The following FBXW8 variants were observed in gnomAD, a reference collection of about 807,000 sequenced individuals.
The protein encoded by FBXW8 is F-box and WD repeat domain containing 8, also known as F-box/WD repeat-containing protein 8.
A neutral mutation model predicts 65.3 loss-of-function variants in FBXW8; 57 were observed. That is an observed-to-expected ratio of 0.87 (90% confidence interval 0.71 to 1.09). The LOEUF (loss-of-function observed/expected upper bound fraction) is 1.09, where lower values mean the gene tolerates loss of function less well. FBXW8 is among the 50% of genes least tolerant of loss of function. FBXW8 has a pLI of 0.00. For missense variants in FBXW8, 777 were observed against 814.8 expected (o/e 0.95, Z 0.57); for synonymous variants, 308 against 330.2 (o/e 0.93, Z 0.73).
At chr12:117,016,198 G>T (rs1953943107) in intron 8 of FBXW8, among the ~76,000 whole-genome samples, 1 of 152,186 alleles carries the variant, frequency 6.6e-6, no homozygotes, top group African/African-American at 2.4e-5. Flanking sequence ...GGAATTGCTG[G>T]CTTATGTGGT....
intron 9 of FBXW8, among the ~76,000 whole-genome samples, chr12:117,025,734 A>G (rs2135728289): frequency 6.6e-6 from 1 of 152,316 alleles, no homozygotes; most frequent in South Asian, 2.1e-4. Context: ...GGTGGTGCCA[A>G]ACGGCAACTA....
chr12:116,913,909 TC>T (rs1342613553), intron 1 of FBXW8, among the ~76,000 whole-genome samples: 1 of 152,184 alleles, frequency 6.6e-6, no homozygotes, highest in Non-Finnish European at 1.5e-5. Context: ...CCCTTCAGAA[TC>T]ACCACATTAG....
At chr12:116,918,684 A>G (rs1444322500) in intron 1 of FBXW8, among the ~76,000 whole-genome samples, 4 of 152,316 alleles carry the variant, frequency 2.6e-5, no homozygotes, top group Admixed American at 6.5e-5. Flanking sequence ...CACTGATTCA[A>G]ATTGTTCAGA....
chr12:116,981,980 T>C lies in FBXW8; in HGVS notation c.836-3226T>C, dbSNP rs369516963. On this transcript the variant is annotated intron_variant, in intron 5 of 10. Transcript: ENST00000652555. Reference sequence around the variant, plus strand: ...GCAGGTAGACTGTGATAAAGACTTATGTTAAAATCCAAAAGCAACCTCTAA... The same window carrying C: ...GCAGGTAGACTGTGATAAAGACTTACGTTAAAATCCAAAAGCAACCTCTAA... Among the ~76,000 whole-genome samples, 16 of 152,290 alleles carry C rather than the reference T, an allele frequency of 1.1e-4. 1 individual carries two copies. The highest frequency in any genetic ancestry group is 2.2e-4 in the African/African-American group (9 of 41,560).
chr12:117,009,918 A>G (rs1018964436), intron 7 of FBXW8, among the ~76,000 whole-genome samples: 2 of 152,190 alleles, frequency 1.3e-5, no homozygotes, highest in African/African-American at 4.8e-5. Flanking sequence ...TTCAGATGAG[A>G]ACTCATGCTG....
chr12:116,959,625 A>G (rs997901491), intron 4 of FBXW8, among the ~76,000 whole-genome samples: 1 of 152,224 alleles, frequency 6.6e-6, no homozygotes, highest in Non-Finnish European at 1.5e-5. Flanking sequence ...TTAGCTGTAC[A>G]GTATTTATTC....
rs763343525 is a variant in FBXW8 at position 117,024,138 on chromosome 12, C to T, written c.1368-9C>T. 3.2e-5 allele frequency: 51 copies of T among 1,611,668 alleles called. No homozygotes were observed. The Admixed American group carries it at 8.5e-4, about 27-fold the overall frequency. ...ATTTCCCTTCTCTGCTCTTCCTGGGCCTGTCCAGGGTGAGGATCCACGACC... is the reference window on the plus strand; with the variant it reads ...ATTTCCCTTCTCTGCTCTTCCTGGGTCTGTCCAGGGTGAGGATCCACGACC... On this transcript the variant is annotated splice_polypyrimidine_tract_variant and intron_variant, in intron 8 of 10. Coordinates refer to ENST00000652555, the MANE Select transcript of FBXW8 (RefSeq NM_153348.3).
At chr12:116,984,587 G>T (rs4767489) in intron 5 of FBXW8, among the ~76,000 whole-genome samples, 103,038 of 152,150 alleles carry the variant, frequency 0.68, 39,697 homozygotes, top group Non-Finnish European at 0.84. Flanking sequence ...CTTTGAAACT[G>T]TTTAAGCACT....
In FBXW8 at chr12:116,985,299, A is replaced by C. The variant is rs761329243; in HGVS notation, c.929A>C (p.Asp310Ala). The change falls in exon 6 of 11, where the codon GAC (aspartate) becomes GCC (alanine). Residue 310 changes from aspartate (D) to alanine (A), a missense_variant. Asp to Ala is a moderately radical substitution (Grantham distance 126). Coordinates refer to ENST00000652555, the MANE Select transcript of FBXW8 (RefSeq NM_153348.3). ...ATACAGGCACTAGCCCTCAGCCAGG[A>C]CGATGCAACCGTGGCCACAGCTTCT... Reference protein sequence around the residue: ...ARIQALALSQDDATVATASAF... With the variant: ...ARIQALALSQADATVATASAF... 1.4e-5 allele frequency: 23 copies of C among 1,614,234 alleles called. No individual in the cohort carries two copies. The highest frequency in any genetic ancestry group is 8.5e-6 in the Non-Finnish European group (10 of 1,180,042).
At chr12:116,913,707 G>A (rs1483983029) in intron 1 of FBXW8, among the ~76,000 whole-genome samples, 1 of 152,126 alleles carries the variant, frequency 6.6e-6, no homozygotes, top group Admixed American at 6.5e-5. Context: ...TCGATGCAAC[G>A]TTTATGGAAA....
chr12:116,971,013 G>A (rs576140895), intron 5 of FBXW8, among the ~76,000 whole-genome samples: 2 of 152,252 alleles, frequency 1.3e-5, no homozygotes, highest in South Asian at 4.2e-4. Context: ...AAAAGATAGG[G>A]TATGTTCATA....
chr12:116,918,580 A>C lies in FBXW8; in HGVS notation c.318+7225A>C, dbSNP rs80243171. Among the ~76,000 whole-genome samples the C allele has an allele frequency of 6.0e-3, 913 of 152,348 alleles. 5 individuals are homozygous for C. Among genetic ancestry groups the C allele is most frequent in the African/African-American group, 0.021 (855 of 41,584 alleles). On this transcript the variant is annotated intron_variant, in intron 1 of 10. Coordinates refer to ENST00000652555, the MANE Select transcript of FBXW8 (RefSeq NM_153348.3). ...TGGCTACCAGCAACTCTAGTCTTCTATCTGCTTAGCAACTCAAGGGAAAGA... is the reference window on the plus strand; with the variant it reads ...TGGCTACCAGCAACTCTAGTCTTCTCTCTGCTTAGCAACTCAAGGGAAAGA...
At chr12:116,947,878 G>A (rs1366968436) in intron 3 of FBXW8, among the ~76,000 whole-genome samples, 5 of 152,274 alleles carry the variant, frequency 3.3e-5, no homozygotes, top group African/African-American at 1.2e-4. Context: ...TGGTGAGGAT[G>A]ATCGTCATCA....
rs1954333067 is a variant in FBXW8, at chr12:117,030,455, C to T, written c.*2283C>T. 2 of 152,004 alleles carry T rather than the reference C, an allele frequency of 1.3e-5. No individual in the cohort carries two copies. The highest frequency in any genetic ancestry group is 1.3e-4 in the Admixed American group (2 of 15,274). The allele number at this position is 152,004 out of a possible 1,614,324, so 9.4% of individuals were successfully genotyped here. A position where few individuals can be genotyped will look rare whatever the true frequency, so the allele number is the denominator to read the frequency against. The stretch of plus-strand genomic sequence containing the variant: ...TCGCTTTAGAAGGTTTTCATCAAGC[C>T]CCGCCCTTTCTCTCTCATAGTCTTA... On this transcript the variant is annotated 3_prime_UTR_variant, in exon 11 of 11. Transcript: ENST00000652555.
In FBXW8 at chr12:117,024,339, A is replaced by T. The variant is rs779237830; in HGVS notation, c.1541+19A>T. On this transcript the variant is annotated intron_variant, in intron 9 of 10. Transcript: ENST00000652555. ...ATTCCGGGTAAGGTGCATTCTAGAC[A>T]CTCTTGGGAGTTCCTAGTAGGAACA... The T allele has an allele frequency of 6.2e-7, 1 of 1,613,300 alleles. No individual in the cohort carries two copies. The highest frequency in any genetic ancestry group is 1.1e-5 in the South Asian group (1 of 90,988).
intron 5 of FBXW8, among the ~76,000 whole-genome samples, chr12:116,977,058 TG>T (rs1884992913): frequency 3.3e-5 from 5 of 152,158 alleles, no homozygotes; most frequent in Admixed American, 3.3e-4. Context: ...ATCTATTTGT[TG>T]GGGGGATTTG....
At chr12:116,990,148 G>A (rs1953200736) in intron 7 of FBXW8, among the ~76,000 whole-genome samples, 1 of 152,210 alleles carries the variant, frequency 6.6e-6, no homozygotes, top group Non-Finnish European at 1.5e-5. Context: ...GGATCCCAGT[G>A]ATATATTCTT....
rs576114438 is a variant in FBXW8, at chr12:116,911,743, G to A, written c.318+388G>A. On this transcript the variant is annotated intron_variant, in intron 1 of 10. Transcript: ENST00000652555. ...TGTGGGGTTGAGAAATCCTGCTCTTGAAGGCTACCTAAACTTTGAACAAAG... is the reference window on the plus strand; with the variant it reads ...TGTGGGGTTGAGAAATCCTGCTCTTAAAGGCTACCTAAACTTTGAACAAAG... 3.9e-5 allele frequency among the ~76,000 whole-genome samples: 6 copies of A among 152,274 alleles called. No individual in the cohort carries two copies. The South Asian group carries it at 1.2e-3, about 32-fold the overall frequency.
Position 117,030,082 on chromosome 12 carries a change from C to T in FBXW8, c.*1910C>T, listed in dbSNP as rs563760399. The stretch of plus-strand genomic sequence containing the variant: ...AAAACCGAGTCCTCTCAGTTGCACA[C>T]GTGTACGTATCAGTGGGAAGTGCTT... On this transcript the variant is annotated 3_prime_UTR_variant, in exon 11 of 11. Coordinates refer to ENST00000652555, the MANE Select transcript of FBXW8 (RefSeq NM_153348.3). The T allele has an allele frequency of 3.2e-4, 48 of 152,312 alleles. No individual in the cohort carries two copies. Among genetic ancestry groups the T allele is most frequent in the African/African-American group, 1.1e-3 (46 of 41,548 alleles). 9.4% of individuals were successfully genotyped at this position (152,312 alleles called of 1,614,324 possible).
Sources: gnomAD v4.1 joint callset for allele counts (sites outside exome capture counted in the v4.1 genomes callset) on GRCh38, gnomAD v4.1.1 for gene constraint, MANE v1.5 for transcripts, NCBI Gene and HGNC (gene_info 2026-07-23, HGNC 2026-07-21) for gene names.